The following MACROD2 variants were observed in gnomAD, a reference collection of about 807,000 sequenced individuals.
MACROD2 encodes the protein ADP-ribose glycohydrolase MACROD2.
MACROD2 carries 36 observed loss-of-function variants against 70.4 expected under a neutral mutation model. That is an observed-to-expected ratio of 0.51 (90% CI 0.39 to 0.68). MACROD2 has a LOEUF of 0.68. MACROD2 is among the 30% of genes least tolerant of loss of function. The pLI is 0.00. For synonymous variants in MACROD2, 172 were observed against 178.8 expected (o/e 0.96, Z 0.30); for missense variants, 496 against 538.4 (o/e 0.92, Z 0.78).
intron 15 of MACROD2, among the ~76,000 whole-genome samples, chr20:16,033,750 TAA>T (rs1439739611): frequency 1.3e-5 from 2 of 151,816 alleles, no homozygotes; most frequent in Non-Finnish European, 2.9e-5. Context: ...CAGCTCTGCC[TAA>T]GTCTAGTGAG....
At chr20:15,095,488 G>GT (rs943622874) in intron 5 of MACROD2, among the ~76,000 whole-genome samples, 3 of 151,922 alleles carry the variant, frequency 2.0e-5, no homozygotes, top group Non-Finnish European at 1.5e-5. Flanking sequence ...AAGATTTATA[G>GT]TTTTTTGTTT....
intron 3 of MACROD2, among the ~76,000 whole-genome samples, chr20:14,469,216 G>T (rs547799613): frequency 6.6e-6 from 1 of 152,214 alleles, no homozygotes; most frequent in African/African-American, 2.4e-5. Context: ...TGAAATTCAG[G>T]GTTGAAAATT....
intron 4 of MACROD2, among the ~76,000 whole-genome samples, chr20:14,675,313 G>C (rs1160603125): frequency 6.6e-6 from 1 of 152,138 alleles, no homozygotes; most frequent in Non-Finnish European, 1.5e-5. Context: ...AGAAAGGTCA[G>C]GTTACCCACA....
At chr20:15,325,286 G>A (rs1003781279) in intron 6 of MACROD2, among the ~76,000 whole-genome samples, 2 of 151,982 alleles carry the variant, frequency 1.3e-5, no homozygotes, top group African/African-American at 4.8e-5. Context: ...ATGACCTTTT[G>A]AGGTACAAGG....
intron 5 of MACROD2, among the ~76,000 whole-genome samples, chr20:15,040,650 A>G (rs2075349120): frequency 1.3e-5 from 2 of 152,044 alleles, no homozygotes; most frequent in African/African-American, 2.4e-5. Flanking sequence ...CCCCATGTCT[A>G]CTTTTCTTCT....
intron 6 of MACROD2, among the ~76,000 whole-genome samples, chr20:15,382,480 T>C (rs901543357): frequency 6.6e-6 from 1 of 152,174 alleles, no homozygotes; most frequent in African/African-American, 2.4e-5. Context: ...AAAGCAGGGC[T>C]TCAGTACATA....
chr20:15,177,447 A>G (rs971899642), intron 5 of MACROD2, among the ~76,000 whole-genome samples: 15 of 152,220 alleles, frequency 9.9e-5, no homozygotes, highest in African/African-American at 3.4e-4. Context: ...GACTTTCCAA[A>G]TTGAAAAATA....
chr20:15,374,461 C>T (rs754629990), intron 6 of MACROD2, among the ~76,000 whole-genome samples: 9 of 152,208 alleles, frequency 5.9e-5, no homozygotes, highest in Non-Finnish European at 1.0e-4. Flanking sequence ...AGCCCACTTT[C>T]GACCACAATA....
intron 6 of MACROD2, among the ~76,000 whole-genome samples, chr20:15,333,418 G>T (rs1483190791): frequency 3.3e-5 from 5 of 151,616 alleles, no homozygotes; most frequent in Non-Finnish European, 7.4e-5. Context: ...TGACAGGTAG[G>T]TAGTTTAGAT....
intron 7 of MACROD2, among the ~76,000 whole-genome samples, chr20:15,493,449 C>G (rs1183182278): frequency 3.9e-5 from 6 of 152,134 alleles, no homozygotes; most frequent in Admixed American, 3.9e-4. Context: ...TCTATAGCCC[C>G]AAATAGACTT....
intron 16 of MACROD2, among the ~76,000 whole-genome samples, chr20:16,041,913 G>C (rs1455274240): frequency 6.6e-6 from 1 of 151,940 alleles, no homozygotes; most frequent in Non-Finnish European, 1.5e-5. Context: ...ACTTACATTA[G>C]AGAAACAACT....
Position 15,798,193 on chromosome 20 carries a change from A to T in MACROD2, c.646-64552A>T, listed in dbSNP as rs189582157. On this transcript the variant is annotated intron_variant, in intron 8 of 17. Coordinates refer to ENST00000684519, the MANE Select transcript of MACROD2 (RefSeq NM_001351661.2). The stretch of plus-strand genomic sequence containing the variant: ...TATTCCACTTTATGTTCATGAATTC[A>T]GTGAATTATGAAAGAGCACAGTGGG... Among the ~76,000 whole-genome samples the T allele has an allele frequency of 4.9e-3, 750 of 152,336 alleles. 9 individuals are homozygous for T. The highest frequency in any genetic ancestry group is 0.017 in the African/African-American group (703 of 41,568).
intron 4 of MACROD2, among the ~76,000 whole-genome samples, chr20:14,587,490 A>G (rs1981462444): frequency 6.6e-6 from 1 of 151,860 alleles, no homozygotes; most frequent in Non-Finnish European, 1.5e-5. Flanking sequence ...ATAAATAAAA[A>G]TGCTTTGACA....
chr20:15,417,321 G>A (rs898037462), intron 6 of MACROD2, among the ~76,000 whole-genome samples: 1 of 149,354 alleles, frequency 6.7e-6, no homozygotes, highest in African/African-American at 2.5e-5. Context: ...CCAGATATGG[G>A]GGTTCACGCT....
chr20:14,655,475 G>A (rs1985923145), intron 4 of MACROD2, among the ~76,000 whole-genome samples: 1 of 151,892 alleles, frequency 6.6e-6, no homozygotes. Context: ...ATTCAAACAT[G>A]ATAAAATCGT....
intron 15 of MACROD2, among the ~76,000 whole-genome samples, chr20:16,000,249 CTT>C (rs2066691791): frequency 1.3e-5 from 2 of 152,222 alleles, no homozygotes; most frequent in African/African-American, 4.8e-5. Flanking sequence ...AATTATGAAT[CTT>C]TGTCAACACA....
intron 3 of MACROD2, among the ~76,000 whole-genome samples, chr20:14,170,556 G>C (rs960173097): frequency 2.6e-5 from 4 of 151,276 alleles, no homozygotes; most frequent in African/African-American, 7.4e-5. Flanking sequence ...CATCATAAAG[G>C]GATGCTGGAT....
chr20:15,414,367 C>T (rs555434084), intron 6 of MACROD2, among the ~76,000 whole-genome samples: 1 of 152,182 alleles, frequency 6.6e-6, no homozygotes, highest in Non-Finnish European at 1.5e-5. Context: ...TTCATTTTAA[C>T]CAGATCCTCT....
At chr20:15,682,464 CT>C (rs1383774990) in intron 8 of MACROD2, among the ~76,000 whole-genome samples, 1 of 152,122 alleles carries the variant, frequency 6.6e-6, no homozygotes, top group Non-Finnish European at 1.5e-5. Flanking sequence ...TAAGGCATTA[CT>C]CAATAGTAGA....
Sources: allele counts gnomAD v4.1 joint callset (sites outside exome capture counted in the v4.1 genomes callset), GRCh38; gene constraint gnomAD v4.1.1; transcripts MANE v1.5; gene names NCBI Gene and HGNC (gene_info 2026-07-23, HGNC 2026-07-21).